The following SLC38A4 variants were observed in gnomAD, a reference collection of about 807,000 sequenced individuals.
SLC38A4 encodes sodium-coupled neutral amino acid transporter 4.
Under a neutral mutation model 63.1 loss-of-function variants are expected in SLC38A4, and 20 were observed. The observed-to-expected ratio is 0.32, with a 90% CI of 0.22 to 0.46. The LOEUF is 0.46. Ranked by LOEUF, SLC38A4 falls within the 20% of genes least tolerant of loss-of-function variation. The pLI is 1.00. For missense variants in SLC38A4, 526 were observed against 663.6 expected, an observed-to-expected ratio of 0.79 and a Z score of 2.28; for synonymous variants, 230 against 225.5, an observed-to-expected ratio of 1.02 and a Z score of -0.18.
intron 16 of SLC38A4, among the ~76,000 whole-genome samples, chr12:46,767,241 T>TGC (rs1491082873): frequency 4.8e-5 from 1 of 20,830 alleles, no homozygotes; most frequent in African/African-American, 7.4e-5. Flanking sequence ...TGTATATATG[T>TGC]GTGTGTGTGT....
intron 1 of SLC38A4, among the ~76,000 whole-genome samples, chr12:46,821,256 T>C (rs954869463): frequency 6.6e-6 from 1 of 152,124 alleles, no homozygotes; most frequent in Admixed American, 6.6e-5. Flanking sequence ...TAAAAAGTTT[T>C]TCCCTATGTT....
At chr12:46,798,658 G>T (rs1939065992) in intron 2 of SLC38A4, among the ~76,000 whole-genome samples, 1 of 152,088 alleles carries the variant, frequency 6.6e-6, no homozygotes, top group Admixed American at 6.6e-5. Flanking sequence ...CATTTCATTT[G>T]CATTAAGCCA....
At chr12:46,821,760 G>A (rs919027487) in intron 1 of SLC38A4, among the ~76,000 whole-genome samples, 3 of 151,994 alleles carry the variant, frequency 2.0e-5, no homozygotes, top group Non-Finnish European at 2.9e-5. Flanking sequence ...GGACAGCATC[G>A]AATTTGTAGC....
At chr12:46,817,254 C>T (rs73283973) in intron 1 of SLC38A4, among the ~76,000 whole-genome samples, 12,358 of 151,788 alleles carry the variant, frequency 0.081, 833 homozygotes, top group East Asian at 0.24. Flanking sequence ...CAAACTCATA[C>T]GACTTTGTTG....
chr12:46,809,986 C>T (rs1939307535), intron 1 of SLC38A4, among the ~76,000 whole-genome samples: 1 of 152,000 alleles, frequency 6.6e-6, no homozygotes, highest in Admixed American at 6.6e-5. Context: ...TTTGTGCATT[C>T]AAAATCTTTC....
At position 46,820,615 on chromosome 12, in the gene SLC38A4, G is replaced by T. The variant is rs141063155; in HGVS notation, c.-305+5288C>A. Among the ~76,000 whole-genome samples, 1,143 of 152,128 alleles carry T rather than the reference G, an allele frequency of 7.5e-3. 10 individuals are homozygous for T. Among genetic ancestry groups the T allele is most frequent in the Admixed American group, 0.013 (193 of 15,282 alleles). On this transcript the variant is annotated intron_variant, in intron 1 of 16. Coordinates refer to ENST00000266579, the MANE Select transcript of SLC38A4 (RefSeq NM_018018.5). Reference sequence around the variant, plus strand: ...GGGTTGTTTCCATAACTTGGCTATTGTGAATAGCGCAGCAATGAACATAGG... The same window carrying T: ...GGGTTGTTTCCATAACTTGGCTATTTTGAATAGCGCAGCAATGAACATAGG...
intron 2 of SLC38A4, among the ~76,000 whole-genome samples, chr12:46,797,484 C>T (rs1269845181): frequency 6.6e-6 from 1 of 152,120 alleles, no homozygotes; most frequent in Non-Finnish European, 1.5e-5. Flanking sequence ...ATACTTATAC[C>T]AGCAACATCC....
At chr12:46,785,741 T>TCC (rs1938747110) in intron 5 of SLC38A4, among the ~76,000 whole-genome samples, 1 of 126,710 alleles carries the variant, frequency 7.9e-6, no homozygotes, top group Non-Finnish European at 1.6e-5. Context: ...AAAATTCCTT[T>TCC]TTTTTTTTTT....
chr12:46,807,020 C>T (rs1184562542), intron 1 of SLC38A4, among the ~76,000 whole-genome samples: 1 of 151,818 alleles, frequency 6.6e-6, no homozygotes, highest in African/African-American at 2.4e-5. Context: ...CTTAGACCAT[C>T]ATGGTATTTT....
At chr12:46,789,575 C>T (rs1398913652) in intron 3 of SLC38A4, among the ~76,000 whole-genome samples, 1 of 152,132 alleles carries the variant, frequency 6.6e-6, no homozygotes, top group Non-Finnish European at 1.5e-5. Context: ...AGCCACATTT[C>T]CAAGAGGCTC....
chr12:46,789,892 C>A (rs939270078), intron 3 of SLC38A4, among the ~76,000 whole-genome samples: 3 of 152,090 alleles, frequency 2.0e-5, no homozygotes, highest in Non-Finnish European at 2.9e-5. Context: ...GCCTGGCCAA[C>A]ATGGTGAAAC....
chr12:46,808,981 A>G (rs1395949305), intron 1 of SLC38A4, among the ~76,000 whole-genome samples: 2 of 152,028 alleles, frequency 1.3e-5, no homozygotes, highest in Non-Finnish European at 2.9e-5. Flanking sequence ...TAGTTTAAAA[A>G]ATTACATTCT....
At chr12:46,783,980 G>A (rs895755537) in intron 7 of SLC38A4, among the ~76,000 whole-genome samples, 19 of 151,930 alleles carry the variant, frequency 1.3e-4, no homozygotes, top group Admixed American at 5.3e-4. Flanking sequence ...CACTGGAAAT[G>A]ATAATTCAGT....
chr12:46,818,447 A>G (rs1939482293), intron 1 of SLC38A4, among the ~76,000 whole-genome samples: 1 of 151,886 alleles, frequency 6.6e-6, no homozygotes, highest in Non-Finnish European at 1.5e-5. Context: ...CTTAAACATG[A>G]TTTTTCATGA....
chr12:46,784,293 G>A (rs888552272), intron 7 of SLC38A4, among the ~76,000 whole-genome samples: 1 of 151,936 alleles, frequency 6.6e-6, no homozygotes, highest in African/African-American at 2.4e-5. Context: ...AATCAAGAAA[G>A]CTTTTATTTT....
intron 7 of SLC38A4, among the ~76,000 whole-genome samples, chr12:46,782,830 G>C (rs1356060108): frequency 6.7e-6 from 1 of 150,120 alleles, no homozygotes; most frequent in Non-Finnish European, 1.5e-5. Context: ...CAAGTTCACA[G>C]ATAGTGACAG....
chr12:46,813,970 A>G (rs12301345), intron 1 of SLC38A4, among the ~76,000 whole-genome samples: 1,935 of 152,166 alleles, frequency 0.013, 26 homozygotes, highest in East Asian at 0.063. Context: ...ATACCGATTT[A>G]ATAAGTCTTT....
chr12:46,820,112 C>G (rs1939510998), intron 1 of SLC38A4, among the ~76,000 whole-genome samples: 1 of 151,834 alleles, frequency 6.6e-6, no homozygotes, highest in Admixed American at 6.6e-5. Flanking sequence ...ACTTGTGAAA[C>G]TGTCACCATG....
intron 7 of SLC38A4, among the ~76,000 whole-genome samples, chr12:46,781,098 A>T (rs1938627578): frequency 1.3e-5 from 2 of 152,010 alleles, no homozygotes; most frequent in South Asian, 4.1e-4. Flanking sequence ...TCTGCACATT[A>T]CTTCATTTGA....
Sources: gnomAD v4.1 joint callset for allele counts (sites outside exome capture counted in the v4.1 genomes callset) on GRCh38, gnomAD v4.1.1 for gene constraint, MANE v1.5 for transcripts, NCBI Gene and HGNC (gene_info 2026-07-23, HGNC 2026-07-21) for gene names.